Variants in COMP observed in about 807,000 individuals in gnomAD.
The protein encoded by COMP is cartilage oligomeric matrix protein (pseudoachondroplasia, epiphyseal dysplasia 1, multiple).
In COMP, 79 loss-of-function variants were observed where a neutral mutation model predicts 95.8. That is an observed-to-expected ratio of 0.82 (90% CI 0.69 to 0.99). The LOEUF is 0.99. COMP is among the 50% of genes least tolerant of loss of function. The pLI is 0.00. For missense variants in COMP, 906 were observed against 1,076.1 expected, an observed-to-expected ratio of 0.84 and a Z score of 2.21; for synonymous variants, 438 against 433.9, an observed-to-expected ratio of 1.01 and a Z score of -0.12.
At position 18,790,883 on chromosome 19, in the gene COMP, C is replaced by T. The variant is rs377650362; in HGVS notation, c.132G>A (p.Ala44=). 116 of 1,569,298 alleles carry T rather than the reference C, an allele frequency of 7.4e-5. No individual in the cohort carries two copies. Among genetic ancestry groups the T allele is most frequent in the Non-Finnish European group, 8.1e-5 (94 of 1,158,686 alleles). ...GCAGCAGCTCCCGCACGTCCTGCAG[C>T]GCCGCGTTGGTTTCCTGCAGTTCCC... ...MLRELQETNA[A]LQDVRELLRQ... The change falls in exon 2 of 19, where the codon GCG becomes GCA. Residue 44 remains alanine (A), a synonymous_variant. Coordinates refer to ENST00000222271, the MANE Select transcript of COMP (RefSeq NM_000095.3).
chr19:18,790,171 G>C, intron 3 of COMP, 57 bp from the exon 4 acceptor site: 1 of 1,371,262 alleles, frequency 7.3e-7, no homozygotes, highest in Non-Finnish European at 9.8e-7. Context: ...CCCGGGGGCA[G>C]AGCCTATCAT....
chr19:18,785,446 C>A (rs1186301798), intron 15 of COMP, 52 bp downstream of exon 15: 3 of 1,609,556 alleles, frequency 1.9e-6, no homozygotes, highest in African/African-American at 2.7e-5. Context: ...TTCTCTGGCC[C>A]CTCTCCCTGA....
rs766641377 is a variant in COMP at position 18,789,036 on chromosome 19, C to G, written c.529-123G>C. The G allele has an allele frequency of 1.3e-6, 2 of 1,536,282 alleles. No individual in the cohort carries two copies. The highest frequency in any genetic ancestry group is 1.8e-6 in the Non-Finnish European group (2 of 1,130,580). ...CCTGCCCCAAACCGATCAGCCCTGG[C>G]GCAGCGGACCCCTCCTCTCCCCACC... On this transcript the variant is annotated intron_variant, in intron 5 of 18. Transcript: ENST00000222271. The surrounding 1 kb of genome is among the most constrained non-coding windows in gnomAD (Gnocchi z 6.1).
Position 18,783,037 on chromosome 19 carries a change from G to T in COMP, c.2227+17C>A, listed in dbSNP as rs768146721. 1 of 1,611,936 alleles carries T rather than the reference G, an allele frequency of 6.2e-7. No homozygotes were observed. The highest frequency in any genetic ancestry group is 1.3e-5 in the African/African-American group (1 of 75,056). The stretch of plus-strand genomic sequence containing the variant: ...TGTGCAGACTCCCCGCCCACGGCCC[G>T]CTGGCCCTCGGCTCACCATTGCAGC... On this transcript the variant is annotated intron_variant, in intron 18 of 18. Coordinates refer to ENST00000222271, the MANE Select transcript of COMP (RefSeq NM_000095.3).
rs879447656 is a variant in COMP, at chr19:18,787,915, T to TTTCC, written c.976-266_976-265insGGAA. ...CTTTCTTTCTTTCTTTCTTTCTTTC[T>TTTCC]TTTTTTTGAGACAGAGTCTTGCTCT... On this transcript the variant is annotated intron_variant, in intron 9 of 18. Coordinates refer to ENST00000222271, the MANE Select transcript of COMP (RefSeq NM_000095.3). 8.0e-4 allele frequency among the ~76,000 whole-genome samples: 119 copies of TTTCC among 149,574 alleles called. 1 individual carries two copies. The highest frequency in any genetic ancestry group is 1.8e-3 in the Admixed American group (26 of 14,812).
In COMP at chr19:18,787,478, C is replaced by T; in HGVS notation, c.1135+13G>A. On this transcript the variant is annotated intron_variant, in intron 10 of 18. Transcript: ENST00000222271. ...GCCGCCTCTCCTCGCCCCCCAACCC[C>T]CATCGAGCTCACGGTCGCCGTCGAT... 6.2e-7 allele frequency: 1 copy of T among 1,610,708 alleles called. No homozygotes were observed. The highest frequency in any genetic ancestry group is 8.5e-7 in the Non-Finnish European group (1 of 1,179,948).
rs2055177348 is a variant in COMP at position 18,787,667 on chromosome 19, G to A, written c.976-17C>T. The A allele has an allele frequency of 1.2e-6, 2 of 1,612,970 alleles. No individual in the cohort carries two copies. Among genetic ancestry groups the A allele is most frequent in the Admixed American group, 1.7e-5 (1 of 59,984 alleles). On this transcript the variant is annotated splice_polypyrimidine_tract_variant and intron_variant, in intron 9 of 18. Coordinates refer to ENST00000222271, the MANE Select transcript of COMP (RefSeq NM_000095.3). ...GCAGTTGTCCTGGATGACAGGGTGG[G>A]TTAAGGGTGAGATCAGGTCGAGAAG...
chr19:18,785,137 A>G, intron 15 of COMP, 45 bp from the exon 16 acceptor site: 1 of 1,596,236 alleles, frequency 6.3e-7, no homozygotes, highest in Non-Finnish European at 8.6e-7. Flanking sequence ...CGCCAGCCCC[A>G]GCCCCCGGAA....
chr19:18,789,304 G>A lies in COMP; in HGVS notation c.391-7C>T. On this transcript the variant is annotated splice_polypyrimidine_tract_variant and splice_region_variant and intron_variant, in intron 4 of 18. Coordinates refer to ENST00000222271, the MANE Select transcript of COMP (RefSeq NM_000095.3). This position sits in a 1 kb window ranked among gnomAD's most constrained non-coding sequence, Gnocchi z 6.1. ...AGCAGGGGTGGGCGTTGCACTGGGG[G>A]AGGAGGGGCCACAGAGGGTCAGAGG... The A allele has an allele frequency of 2.1e-5, 31 of 1,481,122 alleles. No homozygotes were observed. The highest frequency in any genetic ancestry group is 1.9e-4 in the Middle Eastern group (1 of 5,330). 91.7% of individuals were successfully genotyped at this position (1,481,122 alleles called of 1,614,324 possible).
intron 1 of COMP, 119 bp downstream of exon 1, chr19:18,791,072 C>T (rs1601061071): frequency 1.3e-6 from 2 of 1,499,452 alleles, no homozygotes; most frequent in South Asian, 1.2e-5. Flanking sequence ...GCTTTCTGCG[C>T]CCGGCACGTC....
intron 10 of COMP, chr19:18,787,076 G>A (rs2055172936): frequency 2.8e-6 from 1 of 359,946 alleles, no homozygotes; most frequent in South Asian, 2.4e-5. Flanking sequence ...CGGCCCACAG[G>A]AACTTTAAGA....
rs759234100 is a variant in COMP at position 18,790,023 on chromosome 19, G to A, written c.309C>T (p.Ile103=). ...PGFCFPGVAC[I]QTESGARCGP... ...CGCAGCGCGCGCCGCTCTCCGTCTG[G>A]ATGCAGGCCACGCCGGGGAAGCAGA... The change falls in exon 4 of 19, where the codon ATC becomes ATT. Residue 103 remains isoleucine, a synonymous_variant. Transcript: ENST00000222271. The A allele has an allele frequency of 3.8e-6, 6 of 1,583,198 alleles. No homozygotes were observed. In the African/African-American group the frequency reaches 4.0e-5, roughly 11 times the overall value.
Position 18,790,633 on chromosome 19 carries a change from T to C in COMP, c.166-20A>G, listed in dbSNP as rs2055205996. 1 of 1,613,756 alleles carries C rather than the reference T, an allele frequency of 6.2e-7. No homozygotes were observed. The highest frequency in any genetic ancestry group is 1.7e-5 in the Admixed American group (1 of 59,974). On this transcript the variant is annotated intron_variant, in intron 2 of 18. Transcript: ENST00000222271. The stretch of plus-strand genomic sequence containing the variant: ...CCTGACCTGCAGGGGTGGGATGGAA[T>C]CAGCGGGGTCCCAACCTCTCCTCAT...
chr19:18,784,893 C>T lies in COMP; in HGVS notation c.1914+3G>A, dbSNP rs1380135060. The T allele has an allele frequency of 1.9e-6, 3 of 1,613,698 alleles. No homozygotes were observed. Among genetic ancestry groups the T allele is most frequent in the East Asian group, 2.2e-5 (1 of 44,872 alleles). ...AGAGGTCAGGCACGGACGGCCCTGG[C>T]ACCTTGAGTTGGATGCCAGGCTCGG... On this transcript the variant is annotated splice_donor_region_variant and intron_variant, in intron 16 of 18. Coordinates refer to ENST00000222271, the MANE Select transcript of COMP (RefSeq NM_000095.3). This position sits in a 1 kb window ranked among gnomAD's most constrained non-coding sequence, Gnocchi z 4.9.
rs553115668 is a variant in COMP at position 18,788,787 on chromosome 19, C to G, written c.604-37G>C. 4 of 1,606,814 alleles carry G rather than the reference C, an allele frequency of 2.5e-6. No homozygotes were observed. The highest frequency in any genetic ancestry group is 1.7e-5 in the Admixed American group (1 of 59,420). ...CCGCCGGAGGTCAGCGCAGGCCGCC[C>G]GCCGCTCGCCCCACCTCCCGCGATC... On this transcript the variant is annotated intron_variant, in intron 6 of 18. Transcript: ENST00000222271. The surrounding 1 kb of genome is among the most constrained non-coding windows in gnomAD (Gnocchi z 4.7).
rs1211586710 is a variant in COMP, at chr19:18,788,566, C to T, written c.762+26G>A. 2 of 1,558,704 alleles carry T rather than the reference C, an allele frequency of 1.3e-6. No homozygotes were observed. The highest frequency in any genetic ancestry group is 1.4e-5 in the African/African-American group (1 of 73,320). ...TGGAGTGGCCGCCACCCAACCCCGC[C>T]TCAAGCCCAGCCCGCCCGCACTCAC... On this transcript the variant is annotated intron_variant, in intron 7 of 18. Transcript: ENST00000222271. The surrounding 1 kb of genome is among the most constrained non-coding windows in gnomAD (Gnocchi z 4.7).
chr19:18,785,263 C>T (rs962493689), intron 15 of COMP, among the ~76,000 whole-genome samples, 171 bp from the exon 16 acceptor site: 16 of 152,214 alleles, frequency 1.1e-4, no homozygotes, highest in African/African-American at 3.9e-4. Context: ...TTGGCCACGC[C>T]CCTCCAGAGT....
rs113438423 is a variant in COMP, at chr19:18,787,471, C to A, written c.1135+20G>T. On this transcript the variant is annotated intron_variant, in intron 10 of 18. Transcript: ENST00000222271. ...GGTGCCCGCCGCCTCTCCTCGCCCC[C>A]CAACCCCCATCGAGCTCACGGTCGC... is the stretch of plus-strand genomic sequence containing the variant. The A allele has an allele frequency of 1.2e-6, 2 of 1,609,854 alleles. No individual in the cohort carries two copies. The highest frequency in any genetic ancestry group is 2.2e-5 in the East Asian group (1 of 44,870).
chr19:18,787,526 C>G lies in COMP; in HGVS notation c.1100G>C (p.Arg367Pro). ...GATGTCGTCGTCGCACGCATCGCCC[C>G]GGCCGTCCTGGTCTGTGTCCTTTTG... ...DDQKDTDQDG[R>P]GDACDDDIDG... is the part of the protein sequence containing the mutation. The change falls in exon 10 of 19, where the codon CGG (arginine) becomes CCG (proline). Residue 367 changes from arginine (R) to proline (P), a missense_variant. By Grantham distance (103) the Arg-to-Pro change is moderately radical. Transcript: ENST00000222271. The G allele has an allele frequency of 1.2e-6, 2 of 1,613,838 alleles. No homozygotes were observed. The highest frequency in any genetic ancestry group is 1.7e-6 in the Non-Finnish European group (2 of 1,180,030).
Sources: gnomAD v4.1 joint callset for allele counts (sites outside exome capture counted in the v4.1 genomes callset) on GRCh38, gnomAD v4.1.1 for gene constraint, Gnocchi (gnomAD v3.1) non-coding constraint, MANE v1.5 for transcripts, NCBI Gene and HGNC (gene_info 2026-07-23, HGNC 2026-07-21) for gene names.